PPHLN1: variants seen among roughly 807,000 people sequenced by gnomAD.
PPHLN1 encodes periphilin-1.
In PPHLN1, 29 loss-of-function variants were observed where a neutral mutation model predicts 51.3. The ratio of observed to expected loss-of-function variants is 0.57; its 90% CI spans 0.42 to 0.77. The LOEUF (loss-of-function observed/expected upper bound fraction) is 0.77, where lower values mean the gene tolerates loss of function less well. Ranked by LOEUF, PPHLN1 falls within the 30% of genes least tolerant of loss-of-function variation. The pLI is 0.00. For synonymous variants in PPHLN1, 147 were observed against 147.8 expected (o/e 0.99, Z 0.04); for missense variants, 436 against 438.4 (o/e 0.99, Z 0.05).
At chr12:42,369,729 G>A (rs913848120) in intron 4 of PPHLN1, among the ~76,000 whole-genome samples, 13 of 152,096 alleles carry the variant, frequency 8.5e-5, no homozygotes, top group South Asian at 2.1e-4. Context: ...CAACTTACTT[G>A]CCTCCTAATT....
At chr12:42,428,699 C>A (rs2081737588) in intron 9 of PPHLN1, among the ~76,000 whole-genome samples, 1 of 151,976 alleles carries the variant, frequency 6.6e-6, no homozygotes, top group Admixed American at 6.6e-5. Context: ...ATGAGTACAC[C>A]AAAATCTCAC....
chr12:42,398,899 G>T lies in PPHLN1; in HGVS notation c.814G>T (p.Glu272Ter). The T allele has an allele frequency of 6.2e-7, 1 of 1,614,076 alleles. No homozygotes were observed. The highest frequency in any genetic ancestry group is 8.5e-7 in the Non-Finnish European group (1 of 1,179,982). Residue 272 changes from glutamate (E) to a stop codon, truncating the protein, a stop_gained, in exon 9 of 10, where the codon GAG (glutamate) becomes TAG (stop). Coordinates refer to ENST00000358314, the MANE Select transcript of PPHLN1 (RefSeq NM_201439.2). LOFTEE classifies it high-confidence loss of function. ...GTTTACTGACCAGCCAGAGGAACCT[G>T]AGTCAAACACAACACATGGGATAGA... ...PLFTDQPEEP[E>*]SNTTHGIELF...
At chr12:42,420,674 CCCCT>C (rs2080920594) in intron 9 of PPHLN1, among the ~76,000 whole-genome samples, 1 of 71,438 alleles carries the variant, frequency 1.4e-5, no homozygotes, top group African/African-American at 5.7e-5. Context: ...CTCCCGCCCT[CCCCT>C]CCCCTCCCCT....
intron 5 of PPHLN1, among the ~76,000 whole-genome samples, chr12:42,380,927 G>A (rs531078635): frequency 2.0e-5 from 3 of 152,222 alleles, no homozygotes; most frequent in East Asian, 1.9e-4. Context: ...TTTGCCAAGC[G>A]AGACAGATTC....
chr12:42,410,759 G>A (rs2079739413), intron 9 of PPHLN1, among the ~76,000 whole-genome samples: 1 of 152,150 alleles, frequency 6.6e-6, no homozygotes. Flanking sequence ...GGCTGTAATG[G>A]TTTTCAAAAC....
In PPHLN1 at chr12:42,441,535, A is replaced by G; in HGVS notation, c.*26A>G. On this transcript the variant is annotated 3_prime_UTR_variant, in exon 10 of 10. Coordinates refer to ENST00000358314, the MANE Select transcript of PPHLN1 (RefSeq NM_201439.2). Reference sequence around the variant, plus strand: ...ATTTTTCTGCTCAGGCTAAAAAAAAAAAAAAACAGTTTCTAAAAATTTTTT... The same window carrying G: ...ATTTTTCTGCTCAGGCTAAAAAAAAGAAAAAACAGTTTCTAAAAATTTTTT... 2 of 1,527,894 alleles carry G rather than the reference A, an allele frequency of 1.3e-6. No individual in the cohort carries two copies. The highest frequency in any genetic ancestry group is 1.7e-6 in the Non-Finnish European group (2 of 1,142,922). 94.6% of individuals were successfully genotyped at this position (1,527,894 alleles called of 1,614,324 possible).
In PPHLN1 at chr12:42,355,174, A is replaced by T; in HGVS notation, c.251A>T (p.Tyr84Phe). The T allele has an allele frequency of 6.2e-7, 1 of 1,613,682 alleles. No individual in the cohort carries two copies. Among genetic ancestry groups the T allele is most frequent in the Non-Finnish European group, 8.5e-7 (1 of 1,179,768 alleles). Residue 84 changes from tyrosine to phenylalanine, a missense_variant, in exon 4 of 10, where the codon TAT becomes TTT. Tyr to Phe is a conservative substitution (Grantham distance 22, BLOSUM62 3). Coordinates refer to ENST00000358314, the MANE Select transcript of PPHLN1 (RefSeq NM_201439.2). ...TTTATGTTACAGGATGAATCTGGTTATAGATGGACAAGAGACGATCATTCT... is the reference window on the plus strand; with the variant it reads ...TTTATGTTACAGGATGAATCTGGTTTTAGATGGACAAGAGACGATCATTCT... ...GPPHRGDESGYRWTRDDHSAS... is the reference protein window; with the variant it reads ...GPPHRGDESGFRWTRDDHSAS...
intron 1 of PPHLN1, among the ~76,000 whole-genome samples, chr12:42,330,958 C>T (rs989983032): frequency 3.9e-5 from 6 of 152,218 alleles, no homozygotes; most frequent in Non-Finnish European, 7.3e-5. Context: ...ATCCGCGCGC[C>T]TCGGCCTCCC....
At chr12:42,424,920 G>T (rs994876064) in intron 9 of PPHLN1, among the ~76,000 whole-genome samples, 1 of 152,140 alleles carries the variant, frequency 6.6e-6, no homozygotes, top group African/African-American at 2.4e-5. Flanking sequence ...AATAACACGT[G>T]TAGTAACATA....
intron 9 of PPHLN1, chr12:42,433,366 A>C: frequency 2.1e-6 from 1 of 476,572 alleles, no homozygotes; most frequent in Non-Finnish European, 4.0e-6. Context: ...TTGCTTACTT[A>C]AGGGAGAATG....
chr12:42,332,462 T>G lies in PPHLN1; in HGVS notation c.-20-3421T>G, dbSNP rs531005583. ...GACTAGACTTCTAGGACTAGAATTCTGTTATTATAATTTTGTTCTTATGAA... is the reference window on the plus strand; with the variant it reads ...GACTAGACTTCTAGGACTAGAATTCGGTTATTATAATTTTGTTCTTATGAA... On this transcript the variant is annotated intron_variant, in intron 1 of 9. Coordinates refer to ENST00000358314, the MANE Select transcript of PPHLN1 (RefSeq NM_201439.2). Among the ~76,000 whole-genome samples, 39 of 152,334 alleles carry G rather than the reference T, an allele frequency of 2.6e-4. No individual in the cohort carries two copies. In the South Asian group the frequency reaches 4.6e-3, roughly 18 times the overall value.
intron 1 of PPHLN1, among the ~76,000 whole-genome samples, chr12:42,335,668 G>A (rs2137791571): frequency 6.7e-6 from 1 of 148,506 alleles, no homozygotes; most frequent in Admixed American, 6.7e-5. Context: ...TGCCTAAGAA[G>A]GAAGATAGGG....
At chr12:42,420,684 C>T (rs1190001163) in intron 9 of PPHLN1, among the ~76,000 whole-genome samples, 3 of 96,666 alleles carry the variant, frequency 3.1e-5, no homozygotes, top group Non-Finnish European at 6.8e-5. Context: ...CCCCTCCCCT[C>T]CCCTCCCCTC....
At chr12:42,393,515 A>G in intron 7 of PPHLN1, 55 bp from the exon 8 acceptor site, 1 of 1,486,660 alleles carries the variant, frequency 6.7e-7, no homozygotes, top group Non-Finnish European at 9.0e-7. Context: ...TTCTTGGTGT[A>G]TTTGAAGTTT....
intron 2 of PPHLN1, among the ~76,000 whole-genome samples, chr12:42,349,288 T>C (rs1470997965): frequency 6.6e-6 from 1 of 152,244 alleles, no homozygotes; most frequent in African/African-American, 2.4e-5. Flanking sequence ...CCATTTCTCA[T>C]TTAGTCCTCA....
intron 9 of PPHLN1, among the ~76,000 whole-genome samples, chr12:42,423,237 T>C (rs2081153964): frequency 6.6e-6 from 1 of 152,184 alleles, no homozygotes; most frequent in Admixed American, 6.5e-5. Context: ...TACAGACAGA[T>C]CTTGAAAATA....
intron 2 of PPHLN1, among the ~76,000 whole-genome samples, chr12:42,348,800 A>C (rs2072758560): frequency 6.6e-6 from 1 of 151,726 alleles, no homozygotes; most frequent in Non-Finnish European, 1.5e-5. Flanking sequence ...TAATTTTACT[A>C]ATTTTGGCTT....
intron 9 of PPHLN1, among the ~76,000 whole-genome samples, chr12:42,411,893 G>A: frequency 1.2e-5 from 1 of 84,768 alleles, no homozygotes; most frequent in Non-Finnish European, 2.2e-5. Context: ...GATAGAGTGA[G>A]ACTCAGTCTC....
chr12:42,351,818 T>C, intron 2 of PPHLN1, 67 bp from the exon 3 acceptor site: 1 of 1,393,762 alleles, frequency 7.2e-7, no homozygotes. Flanking sequence ...CTGTGCTTTT[T>C]AAAAACCTTT....
Sources: gnomAD v4.1 joint callset for allele counts (sites outside exome capture counted in the v4.1 genomes callset) on GRCh38, gnomAD v4.1.1 for gene constraint, MANE v1.5 for transcripts, NCBI Gene and HGNC (gene_info 2026-07-23, HGNC 2026-07-21) for gene names.